The following ZNF827 variants were observed in gnomAD, a reference collection of about 807,000 sequenced individuals.
ZNF827 encodes zinc finger protein 827.
Under a neutral mutation model 102.4 loss-of-function variants are expected in ZNF827, and 13 were observed. That is an observed-to-expected ratio of 0.13 (90% CI 0.08 to 0.20). The LOEUF is 0.20. ZNF827 is among the 10% of genes least tolerant of loss of function. The pLI, the probability that ZNF827 is intolerant of heterozygous loss-of-function variation, is 1.00. For missense variants in ZNF827, 1,103 were observed against 1,344.4 expected, an observed-to-expected ratio of 0.82 and a Z score of 2.81; for synonymous variants, 523 against 536.2, an observed-to-expected ratio of 0.98 and a Z score of 0.34.
In ZNF827 at chr4:145,902,683, A is replaced by T. The variant is rs771979262; in HGVS notation, c.576T>A (p.Asn192Lys). The T allele has an allele frequency of 2.4e-5, 38 of 1,613,876 alleles. No individual in the cohort carries two copies. The East Asian group carries it at 8.0e-4, about 34-fold the overall frequency. ...TTGAGTTTGGCAACCACTTACCTTG[A>T]TTCCATATAAAACGGTTACTTGGAG... ...QYTPSNRFIW[N>K]QGKWLPNSTT... The change falls in exon 2 of 15, where the codon AAT (asparagine) becomes AAA (lysine). Residue 192 changes from asparagine to lysine, a missense_variant. By Grantham distance (94) the Asn-to-Lys change is moderately conservative (BLOSUM62 0). This residue lies in a region of ZNF827 where 441 missense variants were observed against 458.6 expected (regional missense o/e 0.96). Coordinates refer to ENST00000508784, the MANE Select transcript of ZNF827 (RefSeq NM_001306215.2). The surrounding 1 kb of genome is among the most constrained non-coding windows in gnomAD (Gnocchi z 4.3).
intron 8 of ZNF827, among the ~76,000 whole-genome samples, chr4:145,797,702 G>C (rs528254996): frequency 6.6e-6 from 1 of 152,292 alleles, no homozygotes; most frequent in Non-Finnish European, 1.5e-5. Context: ...TCTAAGGCTT[G>C]TTTCGTCAAG....
At chr4:145,837,250 A>C (rs545908394) in intron 7 of ZNF827, among the ~76,000 whole-genome samples, 223 of 152,320 alleles carry the variant, frequency 1.5e-3, no homozygotes, top group African/African-American at 5.2e-3. Context: ...CTTCAAGAAA[A>C]GTAGAATGGA....
chr4:145,921,928 A>G (rs938731046), intron 1 of ZNF827, among the ~76,000 whole-genome samples: 4 of 152,350 alleles, frequency 2.6e-5, no homozygotes, highest in Admixed American at 6.5e-5. Context: ...ACCAAAACTG[A>G]TACATACATA....
At chr4:145,866,512 G>C (rs1748216052) in intron 5 of ZNF827, among the ~76,000 whole-genome samples, 3 of 152,126 alleles carry the variant, frequency 2.0e-5, no homozygotes, top group African/African-American at 7.2e-5. Flanking sequence ...ATATAAACCA[G>C]AAATGAATAT....
chr4:145,851,111 G>A (rs961541346), intron 5 of ZNF827, among the ~76,000 whole-genome samples: 1 of 152,216 alleles, frequency 6.6e-6, no homozygotes, highest in East Asian at 1.9e-4. Context: ...GAAGCTGCAA[G>A]AGGCAAGCCA....
chr4:145,884,573 T>C (rs1749947174), intron 4 of ZNF827, among the ~76,000 whole-genome samples: 1 of 152,088 alleles, frequency 6.6e-6, no homozygotes, highest in Non-Finnish European at 1.5e-5. Flanking sequence ...CCTTTAAAAT[T>C]TAAAATCATA....
intron 8 of ZNF827, among the ~76,000 whole-genome samples, chr4:145,796,146 G>T (rs1395107175): frequency 6.6e-6 from 1 of 152,202 alleles, no homozygotes; most frequent in Non-Finnish European, 1.5e-5. Context: ...TCCACCGGGT[G>T]AAAAACTTGC....
chr4:145,760,770 T>C lies in ZNF827; in HGVS notation c.*846A>G, dbSNP rs1237540687. 2 of 1,100,624 alleles carry C rather than the reference T, an allele frequency of 1.8e-6. No homozygotes were observed. The highest frequency in any genetic ancestry group is 4.0e-5 in the South Asian group (2 of 49,448). The allele number at this position is 1,100,624 out of a possible 1,614,324, so 68.2% of individuals were successfully genotyped here. A position where few individuals can be genotyped will look rare whatever the true frequency, so the allele number is the denominator to read the frequency against. ...GTCTCTCTGTTTTTGGTACAGAACA[T>C]GGCTGCCCTCAGACAGTCTCTGCTC... On this transcript the variant is annotated 3_prime_UTR_variant, in exon 15 of 15. Coordinates refer to ENST00000508784, the MANE Select transcript of ZNF827 (RefSeq NM_001306215.2).
At chr4:145,812,053 T>C (rs1262156523) in intron 8 of ZNF827, among the ~76,000 whole-genome samples, 1 of 151,632 alleles carries the variant, frequency 6.6e-6, no homozygotes, top group Non-Finnish European at 1.5e-5. Context: ...TAGTTGGGAC[T>C]ACAGGTGTGT....
intron 1 of ZNF827, among the ~76,000 whole-genome samples, chr4:145,926,943 C>T (rs1753471173): frequency 6.6e-6 from 1 of 151,680 alleles, no homozygotes; most frequent in Non-Finnish European, 1.5e-5. Flanking sequence ...AAATTTCTCT[C>T]TTTCTATAAA....
chr4:145,929,829 C>T (rs1412896735), intron 1 of ZNF827, among the ~76,000 whole-genome samples: 1 of 152,188 alleles, frequency 6.6e-6, no homozygotes, highest in East Asian at 1.9e-4. Context: ...ATAATATTTA[C>T]ATTTGTATAT....
intron 7 of ZNF827, among the ~76,000 whole-genome samples, chr4:145,837,228 A>T (rs1452887170): frequency 6.6e-6 from 1 of 152,180 alleles, no homozygotes; most frequent in Non-Finnish European, 1.5e-5. Flanking sequence ...TATATCCCTT[A>T]TGGTCCTCCG....
intron 2 of ZNF827, among the ~76,000 whole-genome samples, chr4:145,899,315 G>C (rs10029358): frequency 0.011 from 1,699 of 152,146 alleles, 32 homozygotes; most frequent in African/African-American, 0.038. Flanking sequence ...GGGGAGGGAG[G>C]GGGAGGGAAG....
chr4:145,809,299 T>C lies in ZNF827; in HGVS notation c.2383+14123A>G, dbSNP rs75317867. 1.6e-3 allele frequency among the ~76,000 whole-genome samples: 244 copies of C among 152,374 alleles called. 7 individuals are homozygous for C. In the East Asian group the frequency reaches 0.039, roughly 25 times the overall value. Reference sequence around the variant, plus strand: ...ATTGAAACCACCTTTGCAAAGATGATGACAGTGAGAGAAGTCCAGCATGGC... The same window carrying C: ...ATTGAAACCACCTTTGCAAAGATGACGACAGTGAGAGAAGTCCAGCATGGC... On this transcript the variant is annotated intron_variant, in intron 8 of 14. Transcript: ENST00000508784.
At chr4:145,799,828 G>A (rs1470622721) in intron 8 of ZNF827, among the ~76,000 whole-genome samples, 9 of 152,178 alleles carry the variant, frequency 5.9e-5, no homozygotes, top group African/African-American at 2.2e-4. Flanking sequence ...GTGATGGTGG[G>A]AGTAGGAGCA....
intron 2 of ZNF827, among the ~76,000 whole-genome samples, chr4:145,898,341 G>T (rs1252421112): frequency 6.6e-6 from 1 of 152,132 alleles, no homozygotes; most frequent in East Asian, 1.9e-4. Flanking sequence ...AGCTGTATGA[G>T]ACCAGGTTTG....
At position 145,884,984 on chromosome 4, in the gene ZNF827, T is replaced by C. The variant is rs570882272; in HGVS notation, c.1747+694A>G. On this transcript the variant is annotated intron_variant, in intron 4 of 14. Coordinates refer to ENST00000508784, the MANE Select transcript of ZNF827 (RefSeq NM_001306215.2). ...GGTGAACCGAGAGTTGTTTAATGAGTTTCAGTTTGAGAGAATGAAAAAGTT... is the reference window on the plus strand; with the variant it reads ...GGTGAACCGAGAGTTGTTTAATGAGCTTCAGTTTGAGAGAATGAAAAAGTT... Among the ~76,000 whole-genome samples the C allele has an allele frequency of 6.6e-5, 10 of 151,948 alleles. No homozygotes were observed. In the East Asian group the frequency reaches 9.7e-4, roughly 15 times the overall value.
chr4:145,779,584 A>T, intron 8 of ZNF827, 73 bp from the exon 9 acceptor site: 1 of 1,555,406 alleles, frequency 6.4e-7, no homozygotes, highest in South Asian at 1.2e-5. Context: ...AACATTCAGG[A>T]TTTCAGCAGA....
At chr4:145,811,248 G>A (rs889089541) in intron 8 of ZNF827, among the ~76,000 whole-genome samples, 6 of 152,090 alleles carry the variant, frequency 3.9e-5, no homozygotes, top group South Asian at 2.1e-4. Flanking sequence ...GGCCTGCCTC[G>A]CCTCCCAAAG....
Sources: allele counts gnomAD v4.1 joint callset (sites outside exome capture counted in the v4.1 genomes callset), GRCh38; gene constraint gnomAD v4.1.1; regional missense constraint gnomAD v4.1.1; non-coding constraint Gnocchi (gnomAD v3.1); transcripts MANE v1.5; gene names NCBI Gene and HGNC (gene_info 2026-07-23, HGNC 2026-07-21).